SLC25A20: variants seen among roughly 807,000 people sequenced by gnomAD.
The protein encoded by SLC25A20 is solute carrier family 25 member 20, also known as mitochondrial carnitine/acylcarnitine carrier protein.
Under a neutral mutation model 39.7 loss-of-function variants are expected in SLC25A20, and 29 were observed. That is an observed-to-expected ratio of 0.73 (90% CI 0.54 to 1.00). The LOEUF (loss-of-function observed/expected upper bound fraction) is 1.00, where lower values mean the gene tolerates loss of function less well. Ranked by LOEUF, SLC25A20 falls within the 50% of genes least tolerant of loss-of-function variation. The pLI, the probability that SLC25A20 is intolerant of heterozygous loss-of-function variation, is 0.00. For synonymous variants in SLC25A20, 103 were observed against 142.2 expected (o/e 0.72, Z 1.96); for missense variants, 333 against 379.9 (o/e 0.88, Z 1.03).
At chr3:48,892,661 G>A (rs1490633580) in intron 1 of SLC25A20, among the ~76,000 whole-genome samples, 1 of 152,206 alleles carries the variant, frequency 6.6e-6, no homozygotes, top group Non-Finnish European at 1.5e-5. Flanking sequence ...GGAAGTGTCA[G>A]TCAGCCTTTT....
chr3:48,890,238 G>A (rs2083863052), intron 2 of SLC25A20, among the ~76,000 whole-genome samples: 1 of 152,198 alleles, frequency 6.6e-6, no homozygotes, highest in Non-Finnish European at 1.5e-5. Flanking sequence ...CCAGGCTGGA[G>A]TGCAGTGGCA....
At chr3:48,858,203 G>C (rs559099646) in intron 8 of SLC25A20, among the ~76,000 whole-genome samples, 1 of 151,940 alleles carries the variant, frequency 6.6e-6, no homozygotes, top group Admixed American at 6.6e-5. Context: ...CCTGACCTCA[G>C]ATGATCCACC....
intron 5 of SLC25A20, among the ~76,000 whole-genome samples, chr3:48,860,573 C>T (rs1030259134): frequency 1.3e-5 from 2 of 151,638 alleles, no homozygotes; most frequent in Non-Finnish European, 2.9e-5. Flanking sequence ...TCACTGCACT[C>T]CAGCCTGGTG....
chr3:48,867,315 G>A (rs564446358), intron 4 of SLC25A20, among the ~76,000 whole-genome samples: 1 of 151,334 alleles, frequency 6.6e-6, no homozygotes, highest in African/African-American at 2.4e-5. Context: ...GCGAGATCTC[G>A]GTTCACCACA....
chr3:48,879,537 GA>G (rs138058320), intron 3 of SLC25A20, 89 bp from the exon 4 acceptor site: 36 of 880,362 alleles, frequency 4.1e-5, no homozygotes, highest in Non-Finnish European at 6.0e-5. Context: ...AGTTTTGTAA[GA>G]AAAAAAATAA....
chr3:48,888,304 G>A (rs2106662216), intron 2 of SLC25A20, among the ~76,000 whole-genome samples: 1 of 151,984 alleles, frequency 6.6e-6, no homozygotes, highest in African/African-American at 2.4e-5. Context: ...AGATGCAGTG[G>A]CTCATGCCTG....
chr3:48,861,819 GA>G (rs1272914744), intron 5 of SLC25A20, among the ~76,000 whole-genome samples: 1 of 152,022 alleles, frequency 6.6e-6, no homozygotes, highest in Non-Finnish European at 1.5e-5. Flanking sequence ...CTGAGGTCAG[GA>G]GTTTGAGACC....
intron 4 of SLC25A20, among the ~76,000 whole-genome samples, chr3:48,874,954 C>T (rs1038167580): frequency 6.1e-5 from 9 of 147,214 alleles, no homozygotes; most frequent in Admixed American, 1.4e-4. Flanking sequence ...TGTAATCCCA[C>T]GGGAGGCTGA....
intron 2 of SLC25A20, among the ~76,000 whole-genome samples, chr3:48,890,998 G>A (rs1327626592): frequency 1.3e-5 from 2 of 151,916 alleles, no homozygotes; most frequent in Admixed American, 1.3e-4. Flanking sequence ...GCCCAGCCAT[G>A]CAAGGCCACT....
intron 1 of SLC25A20, 102 bp from the exon 2 acceptor site, chr3:48,892,174 C>T (rs1343519811): frequency 4.7e-6 from 4 of 853,744 alleles, no homozygotes; most frequent in Non-Finnish European, 8.1e-6. Flanking sequence ...AGGCTGTACC[C>T]TTGTACATGT....
Position 48,875,555 on chromosome 3 carries a change from G to A in SLC25A20, c.417+3803C>T, listed in dbSNP as rs139653834. 7.8e-3 allele frequency among the ~76,000 whole-genome samples: 1,191 copies of A among 152,204 alleles called. 13 individuals are homozygous for A. Among genetic ancestry groups the A allele is most frequent in the African/African-American group, 0.027 (1,133 of 41,546 alleles). ...CTCCCGAGTAGCTGGGATTACAGGC[G>A]TGCACAACCATACCTGGCTAATTTT... On this transcript the variant is annotated intron_variant, in intron 4 of 8. Coordinates refer to ENST00000319017, the MANE Select transcript of SLC25A20 (RefSeq NM_000387.6).
In SLC25A20 at chr3:48,861,843, A is replaced by G. The variant is rs147271871; in HGVS notation, c.535+699T>C. ...GGAGTTTGAGACCAGCCCGGCCAAC[A>G]TGGTGAAACCCCATCTCTACTAAAA... On this transcript the variant is annotated intron_variant, in intron 5 of 8. Coordinates refer to ENST00000319017, the MANE Select transcript of SLC25A20 (RefSeq NM_000387.6). Among the ~76,000 whole-genome samples the G allele has an allele frequency of 9.7e-3, 1,473 of 152,212 alleles. 29 individuals carry two copies. Among genetic ancestry groups the G allele is most frequent in the African/African-American group, 0.034 (1,415 of 41,518 alleles).
At chr3:48,882,946 G>C (rs993618809) in intron 3 of SLC25A20, among the ~76,000 whole-genome samples, 7 of 151,744 alleles carry the variant, frequency 4.6e-5, no homozygotes, top group African/African-American at 1.7e-4. Context: ...CCAGCACTTT[G>C]GGGGGCCAAA....
intron 8 of SLC25A20, 85 bp downstream of exon 8, chr3:48,858,422 C>T: frequency 1.3e-6 from 2 of 1,590,358 alleles, no homozygotes; most frequent in African/African-American, 1.3e-5. Flanking sequence ...AGACCCCAGT[C>T]CTATCCCAGG....
chr3:48,857,656 T>C lies in SLC25A20; in HGVS notation c.*54A>G, dbSNP rs932377483. Reference sequence around the variant, plus strand: ...CTGCTTAGTTCTGCTTACTACTCCTTCTCCTCAACGACAGCTTCCAGCATC... The same window carrying C: ...CTGCTTAGTTCTGCTTACTACTCCTCCTCCTCAACGACAGCTTCCAGCATC... On this transcript the variant is annotated 3_prime_UTR_variant, in exon 9 of 9. Transcript: ENST00000319017. The C allele has an allele frequency of 3.2e-6, 5 of 1,547,192 alleles. No homozygotes were observed. The highest frequency in any genetic ancestry group is 3.6e-6 in the Non-Finnish European group (4 of 1,122,076).
At chr3:48,893,164 A>G (rs2083889738) in intron 1 of SLC25A20, among the ~76,000 whole-genome samples, 1 of 151,960 alleles carries the variant, frequency 6.6e-6, no homozygotes. Context: ...AGCAGCTGGG[A>G]CTACAGGTGC....
chr3:48,865,913 G>A (rs575657704), intron 4 of SLC25A20, among the ~76,000 whole-genome samples: 3 of 149,696 alleles, frequency 2.0e-5, no homozygotes, highest in Non-Finnish European at 3.0e-5. Context: ...GGTGGATCAC[G>A]AGGTCAGGAG....
intron 2 of SLC25A20, among the ~76,000 whole-genome samples, chr3:48,888,207 G>GAAAAA (rs751937375): frequency 4.5e-5 from 2 of 44,258 alleles, no homozygotes; most frequent in Admixed American, 2.6e-4. Flanking sequence ...ACTCCATCTC[G>GAAAAA]AAAAAAAAAA....
intron 5 of SLC25A20, 26 bp downstream of exon 5, chr3:48,862,516 C>A (rs776270407): frequency 6.7e-7 from 1 of 1,491,230 alleles, no homozygotes; most frequent in Non-Finnish European, 9.4e-7. Context: ...CCCCAGGTGA[C>A]CTCAAGTGGA....
Sources: gnomAD v4.1 joint callset for allele counts (sites outside exome capture counted in the v4.1 genomes callset) on GRCh38, gnomAD v4.1.1 for gene constraint, MANE v1.5 for transcripts, NCBI Gene and HGNC (gene_info 2026-07-23, HGNC 2026-07-21) for gene names.